Variants in EDAR observed in about 807,000 individuals in gnomAD.
EDAR encodes tumor necrosis factor receptor superfamily member EDAR.
Under a neutral mutation model 51.3 loss-of-function variants are expected in EDAR, and 38 were observed. The ratio of observed to expected loss-of-function variants is 0.74; its 90% CI spans 0.57 to 0.97. The LOEUF (loss-of-function observed/expected upper bound fraction) is 0.97, where lower values mean the gene tolerates loss of function less well. Among genes scored for constraint, EDAR ranks in the 50% least tolerant of loss-of-function variants. The pLI is 0.00. For synonymous variants in EDAR, 227 were observed against 242.1 expected (o/e 0.94, Z 0.58); for missense variants, 528 against 595.0 (o/e 0.89, Z 1.17).
intron 5 of EDAR, among the ~76,000 whole-genome samples, chr2:108,922,324 C>A (rs1327914938): frequency 6.6e-6 from 1 of 152,250 alleles, no homozygotes; most frequent in Non-Finnish European, 1.5e-5. Context: ...CTGGCTTCAC[C>A]ATGAGTCAGG....
chr2:108,969,981 C>T (rs11691107), intron 1 of EDAR, among the ~76,000 whole-genome samples: 15,592 of 152,210 alleles, frequency 0.1, 1,806 homozygotes, highest in African/African-American at 0.29. Context: ...GGGGAAATTG[C>T]TAATGGAGGG....
At chr2:108,937,556 TTA>T (rs1353066775) in intron 1 of EDAR, among the ~76,000 whole-genome samples, 7 of 151,854 alleles carry the variant, frequency 4.6e-5, no homozygotes, top group South Asian at 2.1e-4. Flanking sequence ...TGTGTGAATG[TTA>T]TGTGTGTGTG....
intron 1 of EDAR, among the ~76,000 whole-genome samples, chr2:108,941,569 C>T (rs1697596771): frequency 6.6e-6 from 1 of 152,178 alleles, no homozygotes; most frequent in African/African-American, 2.4e-5. Flanking sequence ...TCCTCTGCAC[C>T]AGCTGGGGGC....
rs113749490 is a variant in EDAR at position 108,952,760 on chromosome 2, G to C, written c.-18-21728C>G. 7.2e-5 allele frequency among the ~76,000 whole-genome samples: 11 copies of C among 152,026 alleles called. No homozygotes were observed. In the South Asian group the frequency reaches 1.7e-3, roughly 23 times the overall value. On this transcript the variant is annotated intron_variant, in intron 1 of 11. Coordinates refer to ENST00000258443, the MANE Select transcript of EDAR (RefSeq NM_022336.4). Reference sequence around the variant, plus strand: ...ATGGGTCACATTTTCCTATTTCTTCGTATGTGTGGTAATGTTTTATCATAT... The same window carrying C: ...ATGGGTCACATTTTCCTATTTCTTCCTATGTGTGGTAATGTTTTATCATAT...
chr2:108,898,556 C>T (rs1468239626), intron 11 of EDAR, among the ~76,000 whole-genome samples: 1 of 152,112 alleles, frequency 6.6e-6, no homozygotes, highest in Non-Finnish European at 1.5e-5. Flanking sequence ...ATTCACTCAT[C>T]ATACCAAGAA....
intron 4 of EDAR, among the ~76,000 whole-genome samples, chr2:108,926,928 C>T (rs879389926): frequency 1.2e-4 from 18 of 152,208 alleles, no homozygotes; most frequent in Admixed American, 2.0e-4. Flanking sequence ...TGTGACACAG[C>T]GTGACAGCCT....
intron 3 of EDAR, 37 bp from the exon 4 acceptor site, chr2:108,929,416 G>A (rs1374058752): frequency 1.9e-6 from 3 of 1,607,048 alleles, no homozygotes; most frequent in Non-Finnish European, 2.6e-6. Flanking sequence ...ACAGGTGAGT[G>A]CAGCAGCCAA....
At chr2:108,910,597 C>A in intron 8 of EDAR, 65 bp from the exon 9 acceptor site, 1 of 1,467,938 alleles carries the variant, frequency 6.8e-7, no homozygotes, top group South Asian at 1.2e-5. Flanking sequence ...TGCGCTCAGC[C>A]CAACCCTGCT....
chr2:108,973,622 G>A (rs567558891), intron 1 of EDAR, among the ~76,000 whole-genome samples: 2 of 152,316 alleles, frequency 1.3e-5, no homozygotes, highest in South Asian at 4.1e-4. Flanking sequence ...GCTGCCTCCG[G>A]AAGAACAGAA....
At position 108,928,612 on chromosome 2, in the gene EDAR, A is replaced by C. The variant is rs139086547; in HGVS notation, c.356+586T>G. 1.0e-3 allele frequency among the ~76,000 whole-genome samples: 152 copies of C among 152,312 alleles called. 1 individual carries two copies. The highest frequency in any genetic ancestry group is 3.4e-3 in the African/African-American group (143 of 41,576). On this transcript the variant is annotated intron_variant, in intron 4 of 11. Transcript: ENST00000258443. The stretch of plus-strand genomic sequence containing the variant: ...CTAGGGGGAGGAAGCAGCAATGATC[A>C]TGGCTCAGGATTTTCTGGGGATTGA...
At chr2:108,911,433 T>C (rs551597742) in intron 6 of EDAR, among the ~76,000 whole-genome samples, 1 of 152,260 alleles carries the variant, frequency 6.6e-6, no homozygotes, top group African/African-American at 2.4e-5. Context: ...GGCAGCACAA[T>C]TCAAGTTTGG....
At chr2:108,904,948 C>T (rs940043697) in intron 11 of EDAR, among the ~76,000 whole-genome samples, 10 of 152,090 alleles carry the variant, frequency 6.6e-5, no homozygotes, top group Admixed American at 5.2e-4. Context: ...AAGATGTTAT[C>T]GTTAGGAGAA....
At chr2:108,973,431 T>C (rs571330027) in intron 1 of EDAR, among the ~76,000 whole-genome samples, 36 of 152,318 alleles carry the variant, frequency 2.4e-4, no homozygotes, top group African/African-American at 8.2e-4. Flanking sequence ...CTGGGCTCAG[T>C]GCAGTGCTGG....
intron 11 of EDAR, among the ~76,000 whole-genome samples, chr2:108,898,734 A>G (rs1696646355): frequency 6.6e-6 from 1 of 152,242 alleles, no homozygotes; most frequent in African/African-American, 2.4e-5. Context: ...AGGAAAAATA[A>G]TAGAAAATGT....
intron 1 of EDAR, among the ~76,000 whole-genome samples, chr2:108,947,499 T>C (rs1333758613): frequency 2.0e-5 from 3 of 152,208 alleles, no homozygotes; most frequent in Non-Finnish European, 2.9e-5. Context: ...ACCCCTGCAG[T>C]AGACTTCTGC....
chr2:108,916,261 G>A (rs103855), intron 5 of EDAR, among the ~76,000 whole-genome samples: 133,957 of 152,260 alleles, frequency 0.88, 59,096 homozygotes, highest in East Asian at 0.95. Context: ...AAGAACAGCC[G>A]TGGGCTGTCT....
At chr2:108,972,119 G>A (rs1040432084) in intron 1 of EDAR, among the ~76,000 whole-genome samples, 2 of 152,244 alleles carry the variant, frequency 1.3e-5, no homozygotes, top group South Asian at 2.1e-4. Context: ...CAGCGGAGCC[G>A]CTCCCTGATT....
At chr2:108,921,031 C>T (rs1697127096) in intron 5 of EDAR, among the ~76,000 whole-genome samples, 1 of 152,214 alleles carries the variant, frequency 6.6e-6, no homozygotes, top group Admixed American at 6.5e-5. Flanking sequence ...TCACCCAGAC[C>T]TGATGAATCG....
chr2:108,980,908 A>C (rs1421508539), intron 1 of EDAR, among the ~76,000 whole-genome samples: 1 of 152,120 alleles, frequency 6.6e-6, no homozygotes, highest in Non-Finnish European at 1.5e-5. Flanking sequence ...CAGGGTCCTC[A>C]TGGTGTTTTG....
Sources: allele counts gnomAD v4.1 joint callset (sites outside exome capture counted in the v4.1 genomes callset), GRCh38; gene constraint gnomAD v4.1.1; transcripts MANE v1.5; gene names NCBI Gene and HGNC (gene_info 2026-07-23, HGNC 2026-07-21).